The following SLC24A2 variants were observed in gnomAD, a reference collection of about 807,000 sequenced individuals.
The protein encoded by SLC24A2 is sodium/potassium/calcium exchanger 2.
In SLC24A2, 36 loss-of-function variants were observed where a neutral mutation model predicts 62.0. The observed-to-expected ratio is 0.58, with a 90% CI of 0.44 to 0.77. SLC24A2 has a LOEUF of 0.77. SLC24A2 is among the 30% of genes least tolerant of loss of function. The pLI is 0.00. For missense variants in SLC24A2, 846 were observed against 817.9 expected (o/e 1.03, Z -0.42); for synonymous variants, 358 against 294.0 (o/e 1.22, Z -2.23).
chr9:19,713,329 T>C (rs1377703653), intron 2 of SLC24A2, among the ~76,000 whole-genome samples: 2 of 152,186 alleles, frequency 1.3e-5, no homozygotes, highest in Non-Finnish European at 2.9e-5. Context: ...AAGCTGTAAG[T>C]CAATTTAGCT....
chr9:20,103,758 A>T, the SLC24A2 span, among the ~76,000 whole-genome samples: 2 of 151,908 alleles, frequency 1.3e-5, no homozygotes, highest in Admixed American at 1.3e-4. Flanking sequence ...AAAAAACAGA[A>T]CAGAAAAACT....
At chr9:19,699,002 T>C (rs1363013811) in intron 2 of SLC24A2, among the ~76,000 whole-genome samples, 2 of 152,198 alleles carry the variant, frequency 1.3e-5, no homozygotes, top group African/African-American at 2.4e-5. Flanking sequence ...TTTCAACAAA[T>C]GTATTGAAAA....
At chr9:20,039,694 AG>A in the SLC24A2 span, among the ~76,000 whole-genome samples, 1 of 152,100 alleles carries the variant, frequency 6.6e-6, no homozygotes, top group Non-Finnish European at 1.5e-5. Flanking sequence ...TACTGGGCAC[AG>A]GGGAAGAAAA....
the SLC24A2 span, among the ~76,000 whole-genome samples, chr9:20,073,973 G>C: frequency 7.4e-5 from 11 of 148,344 alleles, no homozygotes; most frequent in African/African-American, 2.5e-4. Flanking sequence ...TATCCTTGTG[G>C]AGAAAATTAT....
chr9:19,649,929 G>A (rs917307303), intron 2 of SLC24A2, among the ~76,000 whole-genome samples: 1 of 152,206 alleles, frequency 6.6e-6, no homozygotes, highest in African/African-American at 2.4e-5. Flanking sequence ...TATTCAGCAT[G>A]TCATGCTCAC....
intron 2 of SLC24A2, among the ~76,000 whole-genome samples, chr9:19,769,132 CA>C (rs2118884981): frequency 6.6e-6 from 1 of 152,262 alleles, no homozygotes; most frequent in South Asian, 2.1e-4. Flanking sequence ...ACTTGAAACC[CA>C]CTCCTCCTGA....
the SLC24A2 span, among the ~76,000 whole-genome samples, chr9:20,150,442 A>G: frequency 6.6e-6 from 1 of 152,008 alleles, no homozygotes; most frequent in Non-Finnish European, 1.5e-5. Context: ...CTACTATTCA[A>G]TGCATTAAAT....
the SLC24A2 span, among the ~76,000 whole-genome samples, chr9:20,228,979 G>C: frequency 6.6e-6 from 1 of 152,092 alleles, no homozygotes; most frequent in African/African-American, 2.4e-5. Context: ...AAGGCCTCTG[G>C]GGGAGGAAAG....
chr9:20,280,860 A>C, the SLC24A2 span, among the ~76,000 whole-genome samples: 8 of 152,200 alleles, frequency 5.3e-5, no homozygotes, highest in Admixed American at 2.0e-4. Flanking sequence ...GAAGGTGCAG[A>C]CCATGCAGCC....
chr9:19,615,047 CA>C (rs1587040610), intron 4 of SLC24A2, among the ~76,000 whole-genome samples: 1 of 152,152 alleles, frequency 6.6e-6, no homozygotes, highest in East Asian at 1.9e-4. Flanking sequence ...TAATAAAACG[CA>C]AACACTGCTG....
chr9:20,270,662 T>C, the SLC24A2 span, among the ~76,000 whole-genome samples: 3 of 152,206 alleles, frequency 2.0e-5, no homozygotes, highest in African/African-American at 7.2e-5. Context: ...TACCTACTCA[T>C]TCATTCATTC....
chr9:19,858,749 A>G, the SLC24A2 span, among the ~76,000 whole-genome samples: 1 of 152,194 alleles, frequency 6.6e-6, no homozygotes, highest in African/African-American at 2.4e-5. Flanking sequence ...CCTATGAAAA[A>G]TGGTCAACAG....
intron 2 of SLC24A2, among the ~76,000 whole-genome samples, chr9:19,735,709 G>T (rs200739893): frequency 0.062 from 9,385 of 152,078 alleles, 620 homozygotes; most frequent in African/African-American, 0.16. Flanking sequence ...TCCTTTGTAG[G>T]GACATGGATG....
At chr9:20,284,041 C>A in the SLC24A2 span, among the ~76,000 whole-genome samples, 1 of 152,112 alleles carries the variant, frequency 6.6e-6, no homozygotes. Flanking sequence ...CAGGTGTGGA[C>A]CATCAGTGGC....
chr9:20,219,538 C>G, the SLC24A2 span, among the ~76,000 whole-genome samples: 1 of 152,184 alleles, frequency 6.6e-6, no homozygotes, highest in Admixed American at 6.6e-5. Context: ...TTTCTCCTAA[C>G]TGGCAGGTTG....
chr9:20,132,070 T>C, the SLC24A2 span, among the ~76,000 whole-genome samples: 1 of 152,152 alleles, frequency 6.6e-6, no homozygotes, highest in Non-Finnish European at 1.5e-5. Flanking sequence ...TATTTTTTTC[T>C]GATAGTAACA....
chr9:19,920,080 T>A, the SLC24A2 span, among the ~76,000 whole-genome samples: 4 of 152,192 alleles, frequency 2.6e-5, no homozygotes, highest in Non-Finnish European at 5.9e-5. Flanking sequence ...TAGATCAGAA[T>A]CTAAAAATAA....
chr9:20,097,789 C>G, the SLC24A2 span, among the ~76,000 whole-genome samples: 2 of 115,480 alleles, frequency 1.7e-5, no homozygotes, highest in Non-Finnish European at 3.3e-5. Context: ...GTCACCCAGG[C>G]TGGAGTGCAG....
chr9:19,886,924 C>A, the SLC24A2 span, among the ~76,000 whole-genome samples: 1 of 152,056 alleles, frequency 6.6e-6, no homozygotes, highest in Non-Finnish European at 1.5e-5. Context: ...GAGCTGGCAG[C>A]CATTATACTC....
Sources: allele counts gnomAD v4.1 joint callset (sites outside exome capture counted in the v4.1 genomes callset), GRCh38; gene constraint gnomAD v4.1.1; transcripts MANE v1.5; gene names NCBI Gene and HGNC (gene_info 2026-07-23, HGNC 2026-07-21).